KLRD1: variants seen among roughly 807,000 people sequenced by gnomAD.
KLRD1 encodes natural killer cells antigen CD94.
A neutral mutation model predicts 22.6 loss-of-function variants in KLRD1; 21 were observed. The ratio of observed to expected loss-of-function variants is 0.93; its 90% CI spans 0.66 to 1.34. KLRD1 has a LOEUF of 1.34. KLRD1 is among the 40% of genes most tolerant of loss of function. KLRD1 has a pLI of 0.00. For synonymous variants in KLRD1, 59 were observed against 71.1 expected (o/e 0.83, Z 0.85); for missense variants, 183 against 208.6 (o/e 0.88, Z 0.76).
chr12:10,265,242 C>T (rs1415712993), intron 1 of KLRD1, among the ~76,000 whole-genome samples: 1 of 152,058 alleles, frequency 6.6e-6, no homozygotes, highest in Admixed American at 6.5e-5. Context: ...TATAGACATA[C>T]ACATATATGC....
chr12:10,254,449 A>AC (rs1592028639), intron 1 of KLRD1, among the ~76,000 whole-genome samples: 1 of 151,436 alleles, frequency 6.6e-6, no homozygotes, highest in East Asian at 1.9e-4. Context: ...AAAAAAAAAA[A>AC]AAACCTATCA....
chr12:10,289,470 A>C (rs1383353363), intron 1 of KLRD1, among the ~76,000 whole-genome samples: 1 of 152,238 alleles, frequency 6.6e-6, no homozygotes, highest in African/African-American at 2.4e-5. Context: ...TGTTTTATTC[A>C]AAATGTATGT....
At position 10,327,418 on chromosome 12, in the gene KLRD1, C is replaced by T. The variant is rs545416371; in HGVS notation, c.*12625C>T. 30 of 152,198 alleles carry T rather than the reference C, an allele frequency of 2.0e-4. 2 individuals carry two copies. Among genetic ancestry groups the T allele is most frequent in the African/African-American group, 7.0e-4 (29 of 41,544 alleles). 9.4% of individuals were successfully genotyped at this position (152,198 alleles called of 1,614,324 possible). On this transcript the variant is annotated 3_prime_UTR_variant, in exon 6 of 6. Coordinates refer to ENST00000336164, the MANE Select transcript of KLRD1 (RefSeq NM_002262.5). Reference sequence around the variant, plus strand: ...TGTATATTTTAGTATCATTGTTTTCCTAATTCTAAAATGCCATTGAGGTCT... The same window carrying T: ...TGTATATTTTAGTATCATTGTTTTCTTAATTCTAAAATGCCATTGAGGTCT...
At chr12:10,292,908 T>C (rs2137668635) in intron 1 of KLRD1, among the ~76,000 whole-genome samples, 1 of 152,086 alleles carries the variant, frequency 6.6e-6, no homozygotes. Flanking sequence ...TAGTTAGATC[T>C]TCTGGATAAC....
chr12:10,310,316 C>T (rs1413548819), intron 3 of KLRD1, among the ~76,000 whole-genome samples: 2 of 152,158 alleles, frequency 1.3e-5, no homozygotes, highest in African/African-American at 4.8e-5. Flanking sequence ...GTCAGGGTTT[C>T]GCCATGTTGG....
At chr12:10,281,428 C>T (rs540214237) in intron 1 of KLRD1, among the ~76,000 whole-genome samples, 1 of 152,262 alleles carries the variant, frequency 6.6e-6, no homozygotes, top group South Asian at 2.1e-4. Context: ...AGCTGCCATG[C>T]ATGAAGAGTG....
At chr12:10,284,020 A>T in intron 1 of KLRD1, among the ~76,000 whole-genome samples, 1 of 38,650 alleles carries the variant, frequency 2.6e-5, no homozygotes, top group East Asian at 8.9e-4. Flanking sequence ...TATTAAAAAT[A>T]CAAAAAAAAA....
At chr12:10,239,442 C>CTTCCT (rs1565443063) in intron 1 of KLRD1, among the ~76,000 whole-genome samples, 1 of 37,980 alleles carries the variant, frequency 2.6e-5, no homozygotes, top group African/African-American at 1.2e-4. Flanking sequence ...CCTTTCCTTC[C>CTTCCT]TTCCTTCCTT....
Position 10,322,304 on chromosome 12 carries a change from C to T in KLRD1, c.*7511C>T, listed in dbSNP as rs751409577. On this transcript the variant is annotated 3_prime_UTR_variant, in exon 6 of 6. Coordinates refer to ENST00000336164, the MANE Select transcript of KLRD1 (RefSeq NM_002262.5). The stretch of plus-strand genomic sequence containing the variant: ...TCAAGTGATCCACCTGCCTCGGCCT[C>T]CTGAAGTGCTGGGATTACAGGCATG... The T allele has an allele frequency of 2.0e-5, 3 of 152,270 alleles. No homozygotes were observed. Among genetic ancestry groups the T allele is most frequent in the Non-Finnish European group, 1.5e-5 (1 of 68,088 alleles). 9.4% of individuals were successfully genotyped at this position (152,270 alleles called of 1,614,324 possible).
intron 1 of KLRD1, among the ~76,000 whole-genome samples, chr12:10,289,689 G>A (rs191099634): frequency 9.0e-4 from 137 of 152,310 alleles, no homozygotes; most frequent in African/African-American, 3.0e-3. Context: ...TTAGTGGGAA[G>A]CAGTTTTCTG....
chr12:10,239,561 TTC>T (rs368693833), intron 1 of KLRD1, among the ~76,000 whole-genome samples: 1,957 of 130,416 alleles, frequency 0.015, 106 homozygotes, highest in African/African-American at 0.062. Flanking sequence ...CTTTCTTTCT[TTC>T]TTTCTTTCTT....
chr12:10,262,430 C>T (rs1949461930), intron 1 of KLRD1, among the ~76,000 whole-genome samples: 1 of 152,036 alleles, frequency 6.6e-6, no homozygotes, highest in Non-Finnish European at 1.5e-5. Flanking sequence ...TTTCAATTGT[C>T]CTCCCTAACT....
rs1950269552 is a variant in KLRD1, at chr12:10,318,087, C to G, written c.*3294C>G. ...AGATGAGATTTGGGTGGGGACACAG[C>G]CAAGCCATATCAGTTAGTGACATCT... is the stretch of plus-strand genomic sequence containing the variant. On this transcript the variant is annotated 3_prime_UTR_variant, in exon 6 of 6. Transcript: ENST00000336164. The G allele has an allele frequency of 6.6e-6, 1 of 152,096 alleles. No individual in the cohort carries two copies. The highest frequency in any genetic ancestry group is 1.5e-5 in the Non-Finnish European group (1 of 68,034). The allele number at this position is 152,096 out of a possible 1,614,324, so 9.4% of individuals were successfully genotyped here.
chr12:10,307,781 CA>C (rs1403714423), upstream of KLRD1: 1 of 304,506 alleles, frequency 3.3e-6, no homozygotes, highest in Non-Finnish European at 6.0e-6. Flanking sequence ...TAGTCCTTGC[CA>C]AAGTGTTAAT....
At chr12:10,290,146 A>AGTT (rs766983280) in intron 1 of KLRD1, among the ~76,000 whole-genome samples, 10,794 of 152,328 alleles carry the variant, frequency 0.071, 439 homozygotes, top group East Asian at 0.17. Flanking sequence ...ACAACAAGGC[A>AGTT]GTTTCCAACG....
rs1255621216 is a variant in KLRD1 at position 10,324,700 on chromosome 12, T to C, written c.*9907T>C. ...TAGTTTTTAATATTCAGGCCTTTTATGTTTTTATGAGATTTCCCCAAAGTA... is the reference window on the plus strand; with the variant it reads ...TAGTTTTTAATATTCAGGCCTTTTACGTTTTTATGAGATTTCCCCAAAGTA... On this transcript the variant is annotated 3_prime_UTR_variant, in exon 6 of 6. Coordinates refer to ENST00000336164, the MANE Select transcript of KLRD1 (RefSeq NM_002262.5). 6.6e-6 allele frequency: 1 copy of C among 151,236 alleles called. No homozygotes were observed. The allele number at this position is 151,236 out of a possible 1,614,324, so 9.4% of individuals were successfully genotyped here.
At chr12:10,282,332 C>A (rs1949653027) in intron 1 of KLRD1, among the ~76,000 whole-genome samples, 1 of 151,630 alleles carries the variant, frequency 6.6e-6, no homozygotes, top group Non-Finnish European at 1.5e-5. Flanking sequence ...TCTCGGCTCA[C>A]CACAACCTCC....
chr12:10,268,764 A>C (rs1241491908), intron 1 of KLRD1, among the ~76,000 whole-genome samples: 3 of 152,164 alleles, frequency 2.0e-5, no homozygotes, highest in Non-Finnish European at 4.4e-5. Context: ...AATGATTATA[A>C]TGTTTCACTG....
upstream of KLRD1, among the ~76,000 whole-genome samples, chr12:10,307,168 A>G (rs1427113317): frequency 1.3e-5 from 2 of 152,222 alleles, no homozygotes; most frequent in Admixed American, 1.3e-4. Flanking sequence ...ATATCGAAGT[A>G]TCAGTATAGT....
Sources: gnomAD v4.1 joint callset for allele counts (sites outside exome capture counted in the v4.1 genomes callset) on GRCh38, gnomAD v4.1.1 for gene constraint, MANE v1.5 for transcripts, NCBI Gene and HGNC (gene_info 2026-07-23, HGNC 2026-07-21) for gene names.